Variants in MYO1D observed in about 807,000 individuals in gnomAD.
The protein encoded by MYO1D is unconventional myosin-Id.
Under a neutral mutation model 122.0 loss-of-function variants are expected in MYO1D, and 83 were observed. The ratio of observed to expected loss-of-function variants is 0.68; its 90% confidence interval spans 0.57 to 0.82. The LOEUF (loss-of-function observed/expected upper bound fraction) is 0.82, where lower values mean the gene tolerates loss of function less well. Ranked by LOEUF, MYO1D falls within the 40% of genes least tolerant of loss-of-function variation. The pLI, the probability that MYO1D is intolerant of heterozygous loss-of-function variation, is 0.00. For synonymous variants in MYO1D, 464 were observed against 446.9 expected (o/e 1.04, Z -0.48); for missense variants, 1,157 against 1,269.5 (o/e 0.91, Z 1.35).
At chr17:32,725,789 TAAAAAAAA>T (rs1054645045) in intron 14 of MYO1D, among the ~76,000 whole-genome samples, 11 of 149,102 alleles carry the variant, frequency 7.4e-5, no homozygotes, top group Admixed American at 6.0e-4. Flanking sequence ...CAAGCATATT[TAAAAAAAA>T]ATCTACACCT....
chr17:32,553,113 A>C (rs990762565), intron 21 of MYO1D, among the ~76,000 whole-genome samples: 22 of 151,652 alleles, frequency 1.5e-4, no homozygotes, highest in East Asian at 5.8e-4. Flanking sequence ...CAAAAAAAAA[A>C]ACAAAAAAAC....
chr17:32,599,647 T>C (rs895389140), intron 21 of MYO1D, among the ~76,000 whole-genome samples: 2 of 152,012 alleles, frequency 1.3e-5, no homozygotes, highest in African/African-American at 4.8e-5. Context: ...TTATGAAATG[T>C]TTTTCTTTCA....
At chr17:32,845,148 T>G (rs561442524) in intron 1 of MYO1D, among the ~76,000 whole-genome samples, 106 of 152,282 alleles carry the variant, frequency 7.0e-4, no homozygotes, top group Middle Eastern at 6.8e-3. Flanking sequence ...AACTTTCTAT[T>G]TTGACTCCCT....
intron 16 of MYO1D, among the ~76,000 whole-genome samples, chr17:32,672,090 G>C (rs2088729599): frequency 6.6e-6 from 1 of 152,198 alleles, no homozygotes; most frequent in African/African-American, 2.4e-5. Flanking sequence ...AAGGGAGTGA[G>C]TGCCAGTCAT....
chr17:32,711,369 C>T (rs139580346), intron 16 of MYO1D, among the ~76,000 whole-genome samples: 29 of 152,236 alleles, frequency 1.9e-4, no homozygotes, highest in African/African-American at 6.0e-4. Flanking sequence ...TTTACGCAGC[C>T]GGGCGTGGTG....
intron 16 of MYO1D, 83 bp downstream of exon 16, chr17:32,711,905 T>A: frequency 1.7e-6 from 2 of 1,148,128 alleles, no homozygotes; most frequent in Non-Finnish European, 2.5e-6. Context: ...CCAGGAATAT[T>A]TCTTGAATTA....
intron 18 of MYO1D, 85 bp from the exon 19 acceptor site, chr17:32,654,032 T>C: frequency 2.0e-6 from 2 of 1,020,432 alleles, no homozygotes; most frequent in Non-Finnish European, 2.9e-6. Context: ...GCTTTATAAC[T>C]ACACTTATAT....
intron 21 of MYO1D, among the ~76,000 whole-genome samples, chr17:32,523,790 C>CAAA (rs34905929): frequency 1.9e-3 from 176 of 91,596 alleles, no homozygotes; most frequent in African/African-American, 4.8e-3. Context: ...GACCCTGTCT[C>CAAA]AAAAAAAAAA....
intron 15 of MYO1D, among the ~76,000 whole-genome samples, chr17:32,713,912 C>A (rs1457201227): frequency 6.6e-6 from 1 of 152,098 alleles, no homozygotes; most frequent in Non-Finnish European, 1.5e-5. Flanking sequence ...GCAAGAGCCA[C>A]TGCACTCAGT....
chr17:32,668,861 C>G (rs758808432), intron 16 of MYO1D, among the ~76,000 whole-genome samples: 7 of 152,070 alleles, frequency 4.6e-5, no homozygotes, highest in Non-Finnish European at 8.8e-5. Context: ...GCCACCACGC[C>G]TGGCTAATTT....
intron 21 of MYO1D, among the ~76,000 whole-genome samples, chr17:32,561,422 G>A (rs1352161850): frequency 1.3e-5 from 2 of 151,740 alleles, no homozygotes; most frequent in Non-Finnish European, 2.9e-5. Context: ...GGGTGTGGTG[G>A]CTCATGCCTG....
chr17:32,759,510 TCAAACTA>T, intron 10 of MYO1D, among the ~76,000 whole-genome samples: 1 of 152,258 alleles, frequency 6.6e-6, no homozygotes, highest in South Asian at 2.1e-4. Flanking sequence ...TCATATAAAC[TCAAACTA>T]CAGAAACTTA....
intron 21 of MYO1D, among the ~76,000 whole-genome samples, chr17:32,577,737 C>CTT (rs1210009405): frequency 2.8e-5 from 4 of 143,664 alleles, no homozygotes; most frequent in Non-Finnish European, 3.1e-5. Context: ...ATACATATTT[C>CTT]TTTTTTTTTT....
chr17:32,747,607 C>T (rs749192327), intron 12 of MYO1D, among the ~76,000 whole-genome samples: 4 of 151,962 alleles, frequency 2.6e-5, no homozygotes, highest in Non-Finnish European at 4.4e-5. Context: ...GAGGCCAAGG[C>T]GGGCAGATCA....
chr17:32,654,470 G>T lies in MYO1D; in HGVS notation c.2490+7C>A, dbSNP rs776845021. The stretch of plus-strand genomic sequence containing the variant: ...AAGTAGATTTCACTTTGTTCCCTTG[G>T]ACTTACTGAAGCAAGATAGTTGCCC... On this transcript the variant is annotated splice_region_variant and intron_variant, in intron 18 of 21. Transcript: ENST00000318217. 1.9e-6 allele frequency: 3 copies of T among 1,607,328 alleles called. No homozygotes were observed. In the African/African-American group the frequency reaches 4.0e-5, roughly 22 times the overall value.
At chr17:32,766,764 C>A (rs959135819) in intron 7 of MYO1D, among the ~76,000 whole-genome samples, 1 of 151,354 alleles carries the variant, frequency 6.6e-6, no homozygotes, top group African/African-American at 2.4e-5. Flanking sequence ...TGCACTCCAG[C>A]CTGGGTGACA....
intron 20 of MYO1D, among the ~76,000 whole-genome samples, chr17:32,638,482 G>A (rs1189810053): frequency 2.0e-5 from 3 of 152,204 alleles, no homozygotes; most frequent in African/African-American, 7.2e-5. Context: ...CAGGAATAGA[G>A]AAAGATCACA....
At chr17:32,553,077 C>CAAA (rs200769034) in intron 21 of MYO1D, among the ~76,000 whole-genome samples, 4 of 105,826 alleles carry the variant, frequency 3.8e-5, no homozygotes, top group Admixed American at 9.6e-5. Flanking sequence ...TTCTCTAAGA[C>CAAA]AAAAAAAAAA....
intron 1 of MYO1D, among the ~76,000 whole-genome samples, chr17:32,828,512 T>C (rs1407543164): frequency 3.1e-5 from 2 of 64,290 alleles, no homozygotes; most frequent in African/African-American, 6.4e-5. Context: ...CGAGACTCCG[T>C]CTCAAAAAAA....
Sources: allele counts gnomAD v4.1 joint callset (sites outside exome capture counted in the v4.1 genomes callset), GRCh38; gene constraint gnomAD v4.1.1; transcripts MANE v1.5; gene names NCBI Gene and HGNC (gene_info 2026-07-23, HGNC 2026-07-21).